The following POLM variants were observed in gnomAD, a reference collection of about 807,000 sequenced individuals.
POLM encodes DNA polymerase mu, also known as DNA-directed DNA/RNA polymerase mu.
POLM carries 52 observed loss-of-function variants against 56.7 expected under a neutral mutation model. The ratio of observed to expected loss-of-function variants is 0.92; its 90% CI spans 0.73 to 1.15. The LOEUF (loss-of-function observed/expected upper bound fraction) is 1.15, where lower values mean the gene tolerates loss of function less well. Among genes scored for constraint, POLM ranks in the 50% most tolerant of loss-of-function variants. The pLI is 0.00. For synonymous variants in POLM, 273 were observed against 274.3 expected, an observed-to-expected ratio of 1.00 and a Z score of 0.05; for missense variants, 660 against 663.6, an observed-to-expected ratio of 0.99 and a Z score of 0.06.
intron 4 of POLM, 54 bp downstream of exon 4, chr7:44,079,517 G>T: frequency 6.4e-7 from 1 of 1,556,268 alleles, no homozygotes; most frequent in Non-Finnish European, 8.8e-7. Context: ...GTCTCACCAG[G>T]CCCCAAGGCC....
rs1292878896 is a variant in POLM, at chr7:44,080,920, G to A, written c.189-4C>T. On this transcript the variant is annotated splice_polypyrimidine_tract_variant and splice_region_variant and intron_variant, in intron 1 of 10. Transcript: ENST00000242248. The stretch of plus-strand genomic sequence containing the variant: ...CACAACATGTGTCGCTTCGGAGCTG[G>A]TGGAGGGAGTTGGGAGAGAAGGAGG... 1.3e-6 allele frequency: 2 copies of A among 1,555,512 alleles called. No individual in the cohort carries two copies. The highest frequency in any genetic ancestry group is 1.7e-6 in the Non-Finnish European group (2 of 1,151,852).
Position 44,079,690 on chromosome 7 carries a change from G to A in POLM, c.523C>T (p.Arg175Cys), listed in dbSNP as rs202001807. ...GCTGCTCTGCAGAAGGTGAGGAGGC[G>A]GCCCTCACTGCCTTCAAAGCCTGCT... is the stretch of plus-strand genomic sequence containing the variant. ...EAAGFEGSEG[R>C]LLTFCRAASV... Residue 175 changes from arginine (R) to cysteine (C), a missense_variant, in exon 4 of 11, where the codon CGC becomes TGC. Arg to Cys is a radical substitution (Grantham distance 180). Coordinates refer to ENST00000242248, the MANE Select transcript of POLM (RefSeq NM_013284.4). 2.5e-5 allele frequency: 41 copies of A among 1,612,626 alleles called. No individual in the cohort carries two copies. Among genetic ancestry groups the A allele is most frequent in the African/African-American group, 2.0e-4 (15 of 74,904 alleles).
chr7:44,072,741 C>T lies in POLM; in HGVS notation c.*550G>A, dbSNP rs2128799005. On this transcript the variant is annotated 3_prime_UTR_variant, in exon 11 of 11. Coordinates refer to ENST00000242248, the MANE Select transcript of POLM (RefSeq NM_013284.4). ...CCCATAGTTGAAAATTATCTTCCTC[C>T]CAGCTCCTACCCAGGCCCTCTCCCT... is the stretch of plus-strand genomic sequence containing the variant. 1 of 235,278 alleles carries T rather than the reference C, an allele frequency of 4.3e-6. No homozygotes were observed. The highest frequency in any genetic ancestry group is 8.3e-5 in the East Asian group (1 of 12,096). 14.6% of individuals were successfully genotyped at this position (235,278 alleles called of 1,614,324 possible).
At position 44,082,505 on chromosome 7, in the gene POLM, C is replaced by A; in HGVS notation, c.-67G>T. ...AAACTCCGAGCGAGACGGAAGGAAG[C>A]CCCAGTGAGGCTGACGGAAGCGGGT... On this transcript the variant is annotated 5_prime_UTR_variant, in exon 1 of 11. Coordinates refer to ENST00000242248, the MANE Select transcript of POLM (RefSeq NM_013284.4). 1 of 323,572 alleles carries A rather than the reference C, an allele frequency of 3.1e-6. No individual in the cohort carries two copies. The allele number at this position is 323,572 out of a possible 1,614,324, so 20.0% of individuals were successfully genotyped here. A position where few individuals can be genotyped will look rare whatever the true frequency, so the allele number is the denominator to read the frequency against.
Position 44,072,963 on chromosome 7 carries a change from T to C in POLM, c.*328A>G. On this transcript the variant is annotated 3_prime_UTR_variant, in exon 11 of 11. Transcript: ENST00000242248. Reference sequence around the variant, plus strand: ...CACATCAGGGACCACTTGCCATTCATGACTGCAGGCCCCACCACAGCTCCA... The same window carrying C: ...CACATCAGGGACCACTTGCCATTCACGACTGCAGGCCCCACCACAGCTCCA... The C allele has an allele frequency of 1.5e-6, 1 of 679,716 alleles. No individual in the cohort carries two copies. Among genetic ancestry groups the C allele is most frequent in the East Asian group, 2.8e-5 (1 of 36,178 alleles). 42.1% of individuals were successfully genotyped at this position (679,716 alleles called of 1,614,324 possible).
chr7:44,080,962 C>T (rs777573647), intron 1 of POLM, 46 bp from the exon 2 acceptor site: 2 of 1,499,938 alleles, frequency 1.3e-6, no homozygotes, highest in Non-Finnish European at 9.0e-7. Context: ...AGGCCCAGAG[C>T]CCGTCCTGGT....
rs199923130 is a variant in POLM at position 44,074,470 on chromosome 7, T to C, written c.896A>G (p.Gln299Arg). ...PVLRSDVDALQQVVEEAVGQA... is the reference protein window; with the variant it reads ...PVLRSDVDALRQVVEEAVGQA... ...CCCCACAGCTTCCTCCACCACCTGCTGCAGGGCATCTACATCGGACCGCAG... is the reference window on the plus strand; with the variant it reads ...CCCCACAGCTTCCTCCACCACCTGCCGCAGGGCATCTACATCGGACCGCAG... Residue 299 changes from glutamine to arginine, a missense_variant, in exon 7 of 11, where the codon CAG (glutamine) becomes CGG (arginine). By Grantham distance (43) the Gln-to-Arg change is conservative. Transcript: ENST00000242248. 1.3e-6 allele frequency: 2 copies of C among 1,595,036 alleles called. No individual in the cohort carries two copies. Among genetic ancestry groups the C allele is most frequent in the Non-Finnish European group, 1.7e-6 (2 of 1,171,470 alleles).
chr7:44,074,331 C>T (rs978788805), intron 7 of POLM, 67 bp downstream of exon 7: 6 of 1,545,236 alleles, frequency 3.9e-6, no homozygotes, highest in Admixed American at 2.0e-5. Context: ...TCAGGGTCCC[C>T]GACTCAGGTC....
At position 44,076,737 on chromosome 7, in the gene POLM, C is replaced by T. The variant is rs576504398; in HGVS notation, c.715-108G>A. ...CATGGAGCACCATGCACCAGGCAGG[C>T]GCCGTCCCCACTCGCAACCTGCCGT... On this transcript the variant is annotated intron_variant, in intron 5 of 10. Coordinates refer to ENST00000242248, the MANE Select transcript of POLM (RefSeq NM_013284.4). 143 of 1,430,062 alleles carry T rather than the reference C, an allele frequency of 1.0e-4. 1 individual carries two copies. The Middle Eastern group carries it at 1.3e-3, about 13-fold the overall frequency. 88.6% of individuals were successfully genotyped at this position (1,430,062 alleles called of 1,614,324 possible). A position where few individuals can be genotyped will look rare whatever the true frequency, so the allele number is the denominator to read the frequency against.
At chr7:44,076,354 G>T in intron 6 of POLM, 155 bp downstream of exon 6, 1 of 827,978 alleles carries the variant, frequency 1.2e-6, no homozygotes, top group South Asian at 1.7e-5. Flanking sequence ...GATAGATCCT[G>T]ACTGCACTGG....
At position 44,079,640 on chromosome 7, in the gene POLM, GC is replaced by G; in HGVS notation, c.572del (p.Ser191ThrfsTer6). 6.2e-7 allele frequency: 1 copy of G among 1,613,864 alleles called. No individual in the cohort carries two copies. On this transcript the variant is annotated frameshift_variant, in exon 4 of 11. Coordinates refer to ENST00000242248, the MANE Select transcript of POLM (RefSeq NM_013284.4). LOFTEE classifies it high-confidence loss of function. Reference sequence around the variant, plus strand: ...GCAGCTGGCTCAGGGTTGTGACAGGGCTGGGAAGGGCCTTGAGCACCGAGGC... The same window carrying G: ...GCAGCTGGCTCAGGGTTGTGACAGGGTGGGAAGGGCCTTGAGCACCGAGGC... ...RAASVLKALP[S>X]PVTTLSQLQG... is the part of the protein sequence containing the mutation.
rs753933448 is a variant in POLM at position 44,079,814 on chromosome 7, T to C, written c.471+47A>G. The C allele has an allele frequency of 1.1e-5, 18 of 1,611,760 alleles. No homozygotes were observed. The East Asian group carries it at 2.2e-4, about 20-fold the overall frequency. On this transcript the variant is annotated intron_variant, in intron 3 of 10. Transcript: ENST00000242248. ...CCCCACCTACCACCCATCTGTACCC[T>C]TGTCCCCAACCCCCAGGGCTGGCCA...
At chr7:44,075,335 T>G (rs992396212) in intron 6 of POLM, among the ~76,000 whole-genome samples, 1 of 152,182 alleles carries the variant, frequency 6.6e-6, no homozygotes, top group Admixed American at 6.5e-5. Flanking sequence ...CATAAAGATG[T>G]GAGTCATGGC....
chr7:44,079,602 T>C lies in POLM; in HGVS notation c.611A>G (p.His204Arg). ...TTLSQLQGLP[H>R]FGEHSSRVVQ... is the part of the protein sequence containing the mutation. ...AACCCTAGAGGAGTGTTCTCCAAAG[T>C]GGGGAAGCCCCTGCAGCTGGCTCAG... The change falls in exon 4 of 11, where the codon CAC becomes CGC. Residue 204 changes from histidine (H) to arginine (R), a missense_variant. Coordinates refer to ENST00000242248, the MANE Select transcript of POLM (RefSeq NM_013284.4). 1 of 1,612,474 alleles carries C rather than the reference T, an allele frequency of 6.2e-7. No homozygotes were observed. The highest frequency in any genetic ancestry group is 8.5e-7 in the Non-Finnish European group (1 of 1,179,470).
rs746719166 is a variant in POLM, at chr7:44,080,743, T to C, written c.362A>G (p.His121Arg). ...TTCCACCCAGCTCACCTCCAGGCGG[T>C]GCCGGCACTCCACAGGTACAGGCTG... Reference protein sequence around the residue: ...AGQPVPVECRHRLEVAGPRKG... With the variant: ...AGQPVPVECRRRLEVAGPRKG... The change falls in exon 2 of 11, where the codon CAC becomes CGC. Residue 121 changes from histidine (H) to arginine (R), a missense_variant. His to Arg is a conservative substitution (Grantham distance 29). Coordinates refer to ENST00000242248, the MANE Select transcript of POLM (RefSeq NM_013284.4). The C allele has an allele frequency of 5.0e-6, 8 of 1,614,076 alleles. No homozygotes were observed. The South Asian group carries it at 7.7e-5, about 16-fold the overall frequency.
chr7:44,082,027 G>A (rs535893501), intron 1 of POLM, among the ~76,000 whole-genome samples: 13 of 152,304 alleles, frequency 8.5e-5, no homozygotes, highest in African/African-American at 3.1e-4. Flanking sequence ...TTACAGGCGT[G>A]AGCCACCGCG....
At chr7:44,080,973 T>C (rs1285991958) in intron 1 of POLM, 57 bp from the exon 2 acceptor site, 10 of 1,453,894 alleles carry the variant, frequency 6.9e-6, no homozygotes, top group Non-Finnish European at 9.3e-6. Flanking sequence ...CCGTCCTGGT[T>C]GGCTCCAAGC....
Position 44,073,714 on chromosome 7 carries a change from G to A in POLM, c.1315-6C>T. The A allele has an allele frequency of 6.2e-7, 1 of 1,614,192 alleles. No homozygotes were observed. The highest frequency in any genetic ancestry group is 8.5e-7 in the Non-Finnish European group (1 of 1,180,016). Reference sequence around the variant, plus strand: ...CGCAGCTCCCGCTGGAAAAGCTGTAGGGAAGGGATTGTCCTCAGCAGGGCT... The same window carrying A: ...CGCAGCTCCCGCTGGAAAAGCTGTAAGGAAGGGATTGTCCTCAGCAGGGCT... On this transcript the variant is annotated splice_polypyrimidine_tract_variant and splice_region_variant and intron_variant, in intron 9 of 10. Transcript: ENST00000242248.
rs755627293 is a variant in POLM at position 44,074,390 on chromosome 7, CT to C, written c.968+7del. ...GCCAAGCCAGAGGGGCACGTCGGGC[CT>C]TCTTACCTGCGGAAGCCGCCGGTCA... On this transcript the variant is annotated splice_region_variant and intron_variant, in intron 7 of 10. Coordinates refer to ENST00000242248, the MANE Select transcript of POLM (RefSeq NM_013284.4). 1.9e-5 allele frequency: 29 copies of C among 1,553,928 alleles called. No individual in the cohort carries two copies. The highest frequency in any genetic ancestry group is 1.7e-4 in the Middle Eastern group (1 of 5,842).
Sources: gnomAD v4.1 joint callset for allele counts (sites outside exome capture counted in the v4.1 genomes callset) on GRCh38, gnomAD v4.1.1 for gene constraint, MANE v1.5 for transcripts, NCBI Gene and HGNC (gene_info 2026-07-23, HGNC 2026-07-21) for gene names.